Variants in CNOT2 observed in about 807,000 individuals in gnomAD.
CNOT2 encodes CC chemokine receptor 4-negative regulator of transcription 2.
CNOT2 carries 7 observed loss-of-function variants against 72.1 expected under a neutral mutation model. The observed-to-expected ratio is 0.10, with a 90% CI of 0.06 to 0.18. CNOT2 has a LOEUF of 0.18. Ranked by LOEUF, CNOT2 falls within the 10% of genes least tolerant of loss-of-function variation. CNOT2 has a pLI of 1.00. For synonymous variants in CNOT2, 196 were observed against 225.6 expected (o/e 0.87, Z 1.17); for missense variants, 345 against 660.3 (o/e 0.52, Z 5.23).
intron 4 of CNOT2, among the ~76,000 whole-genome samples, chr12:70,324,524 C>T (rs1000217105): frequency 2.0e-5 from 3 of 151,688 alleles, no homozygotes; most frequent in Non-Finnish European, 4.4e-5. Context: ...CTAAGGTTTC[C>T]GACCTGCAAA....
Position 70,354,098 on chromosome 12 carries a change from G to A in CNOT2, c.*183G>A, listed in dbSNP as rs961268786. 1.0e-5 allele frequency: 11 copies of A among 1,078,788 alleles called. No homozygotes were observed. The Admixed American group carries it at 1.1e-4, about 11-fold the overall frequency. The allele number at this position is 1,078,788 out of a possible 1,614,324, so 66.8% of individuals were successfully genotyped here. A position where few individuals can be genotyped will look rare whatever the true frequency, so the allele number is the denominator to read the frequency against. On this transcript the variant is annotated 3_prime_UTR_variant, in exon 16 of 16. Transcript: ENST00000229195. Reference sequence around the variant, plus strand: ...GGTCCTGCCTTACTAATTATGTGCTGCCCAACAACTAAATTTGTAATTTGT... The same window carrying A: ...GGTCCTGCCTTACTAATTATGTGCTACCCAACAACTAAATTTGTAATTTGT...
chr12:70,330,526 C>A (rs777148947), intron 6 of CNOT2, 57 bp downstream of exon 6: 8 of 1,262,406 alleles, frequency 6.3e-6, no homozygotes, highest in Non-Finnish European at 8.8e-6. Context: ...TCAGATTTGC[C>A]TTTTCATATT....
chr12:70,331,361 A>G (rs1277489420), intron 6 of CNOT2: 2 of 151,910 alleles, frequency 1.3e-5, no homozygotes, highest in South Asian at 2.1e-4. Flanking sequence ...AAATTTTAAA[A>G]AACTTATTTG....
At chr12:70,305,599 GT>G (rs555770729) in intron 2 of CNOT2, among the ~76,000 whole-genome samples, 251 of 152,308 alleles carry the variant, frequency 1.6e-3, no homozygotes, top group Non-Finnish European at 2.7e-3. Context: ...ATTTTTGAGA[GT>G]TAAAGTGACA....
intron 6 of CNOT2, chr12:70,330,968 A>T (rs1056101526): frequency 6.6e-6 from 1 of 152,144 alleles, no homozygotes; most frequent in African/African-American, 2.4e-5. Flanking sequence ...TCAAAACAAA[A>T]AAACGGGTTT....
intron 15 of CNOT2, chr12:70,347,512 A>G (rs995078570): frequency 1.3e-5 from 2 of 152,190 alleles, no homozygotes; most frequent in Non-Finnish European, 2.9e-5. Flanking sequence ...GGGTGCCTGT[A>G]GTCCCAGCTA....
chr12:70,344,542 CAAACCACATTTCTACAAAAAAT>C (rs1881920926), intron 14 of CNOT2: 1 of 230,894 alleles, frequency 4.3e-6, no homozygotes, highest in African/African-American at 2.3e-5. Flanking sequence ...GGCAACACAG[CAAACCACATTTCTACAAAAAAT>C]AAAGGAAAAT....
At chr12:70,245,848 GA>G (rs1957853717) in intron 1 of CNOT2, among the ~76,000 whole-genome samples, 1 of 152,076 alleles carries the variant, frequency 6.6e-6, no homozygotes, top group African/African-American at 2.4e-5. Flanking sequence ...ATTTTTCAGA[GA>G]TGCTTTACAG....
chr12:70,261,442 G>A (rs1958755766), intron 1 of CNOT2, among the ~76,000 whole-genome samples: 1 of 149,146 alleles, frequency 6.7e-6, no homozygotes, highest in Admixed American at 6.8e-5. Flanking sequence ...GGCCTCCTGA[G>A]TAGCTGGGAC....
intron 1 of CNOT2, among the ~76,000 whole-genome samples, chr12:70,254,081 T>TAC (rs1958292480): frequency 6.6e-6 from 1 of 151,624 alleles, no homozygotes; most frequent in Non-Finnish European, 1.5e-5. Context: ...TACTAAAAAA[T>TAC]ACAAAAATTA....
At chr12:70,325,039 C>T (rs1878871204) in intron 4 of CNOT2, among the ~76,000 whole-genome samples, 2 of 151,858 alleles carry the variant, frequency 1.3e-5, no homozygotes, top group Non-Finnish European at 2.9e-5. Flanking sequence ...GCTATGTCTA[C>T]TGCATGTAAA....
chr12:70,286,711 T>C (rs1257207615), intron 2 of CNOT2, among the ~76,000 whole-genome samples: 4 of 150,052 alleles, frequency 2.7e-5, no homozygotes, highest in Non-Finnish European at 5.9e-5. Flanking sequence ...CTTGGCCTTT[T>C]GCTCTGTGAC....
intron 2 of CNOT2, among the ~76,000 whole-genome samples, chr12:70,280,524 CCATTTT>C (rs1450278548): frequency 6.6e-6 from 1 of 152,096 alleles, no homozygotes; most frequent in African/African-American, 2.4e-5. Flanking sequence ...ATGTTTATAA[CCATTTT>C]CATTTATCTT....
chr12:70,273,119 A>T (rs1160102091), intron 1 of CNOT2, among the ~76,000 whole-genome samples: 1 of 151,928 alleles, frequency 6.6e-6, no homozygotes, highest in Non-Finnish European at 1.5e-5. Context: ...TCAACGCTAA[A>T]TTTTTTCAGC....
chr12:70,266,003 CTTTTT>C (rs200929958), intron 1 of CNOT2, among the ~76,000 whole-genome samples: 2 of 143,530 alleles, frequency 1.4e-5, no homozygotes, highest in African/African-American at 5.1e-5. Flanking sequence ...ATTCTTTTAA[CTTTTT>C]TTTTTTTTTT....
chr12:70,286,129 A>G (rs1870854415), intron 2 of CNOT2, among the ~76,000 whole-genome samples: 1 of 119,958 alleles, frequency 8.3e-6, no homozygotes, highest in South Asian at 2.9e-4. Flanking sequence ...CACTATGTGA[A>G]AATAACAGAA....
At chr12:70,250,140 G>A (rs1383804455) in intron 1 of CNOT2, among the ~76,000 whole-genome samples, 3 of 152,146 alleles carry the variant, frequency 2.0e-5, no homozygotes, top group Non-Finnish European at 4.4e-5. Context: ...GGATGGATGT[G>A]TGTAAAAAAA....
At chr12:70,346,526 T>C (rs1281285033) in intron 15 of CNOT2, 2 of 409,228 alleles carry the variant, frequency 4.9e-6, no homozygotes, top group Non-Finnish European at 8.6e-6. Context: ...CATTATTGAA[T>C]TTGGTAAGAG....
chr12:70,244,547 A>G (rs1398089858), intron 1 of CNOT2, among the ~76,000 whole-genome samples: 1 of 152,192 alleles, frequency 6.6e-6, no homozygotes, highest in African/African-American at 2.4e-5. Flanking sequence ...CTACCACAAA[A>G]GTCTTACATT....
Sources: allele counts gnomAD v4.1 joint callset (sites outside exome capture counted in the v4.1 genomes callset), GRCh38; gene constraint gnomAD v4.1.1; transcripts MANE v1.5; gene names NCBI Gene and HGNC (gene_info 2026-07-23, HGNC 2026-07-21).